The following HIBCH variants were observed in gnomAD, a reference collection of about 807,000 sequenced individuals.
HIBCH encodes the protein 3-hydroxyisobutyryl-CoA hydrolase, also known as 3-hydroxyisobutyryl-CoA hydrolase, mitochondrial.
Under a neutral mutation model 58.2 loss-of-function variants are expected in HIBCH, and 50 were observed. That is an observed-to-expected ratio of 0.86 (90% CI 0.68 to 1.09). The LOEUF (loss-of-function observed/expected upper bound fraction) is 1.09. HIBCH is among the 50% of genes least tolerant of loss of function. The pLI is 0.00. For synonymous variants in HIBCH, 151 were observed against 146.9 expected (o/e 1.03, Z -0.20); for missense variants, 450 against 449.7 (o/e 1.00, Z -0.01).
chr2:190,286,908 G>A (rs889890000), intron 6 of HIBCH, among the ~76,000 whole-genome samples: 1 of 150,766 alleles, frequency 6.6e-6, no homozygotes, highest in Non-Finnish European at 1.5e-5. Flanking sequence ...TGAAGTTTCT[G>A]AAAAGAATCA....
At chr2:190,296,695 C>T (rs566956898) in intron 3 of HIBCH, 118 bp downstream of exon 3, 5 of 929,298 alleles carry the variant, frequency 5.4e-6, no homozygotes, top group Admixed American at 3.9e-5. Flanking sequence ...ATTGATGGGG[C>T]TTACTTAGAT....
At chr2:190,222,391 AT>A (rs1380323548) in intron 11 of HIBCH, among the ~76,000 whole-genome samples, 1 of 152,132 alleles carries the variant, frequency 6.6e-6, no homozygotes, top group African/African-American at 2.4e-5. Flanking sequence ...AGGTTCAAGA[AT>A]GTCAAAGGCT....
In HIBCH at chr2:190,215,024, A is replaced by G. The variant is rs1972288; in HGVS notation, c.892-1949T>C. On this transcript the variant is annotated intron_variant, in intron 11 of 13. Coordinates refer to ENST00000359678, the MANE Select transcript of HIBCH (RefSeq NM_014362.4). The surrounding 1 kb of genome is among the most constrained non-coding windows in gnomAD (Gnocchi z 4.4). Reference sequence around the variant, plus strand: ...AGGGAGGAGTTGGGTTTGTGAATGCACCTCTAACAAGTACTGAGGTTAGGA... The same window carrying G: ...AGGGAGGAGTTGGGTTTGTGAATGCGCCTCTAACAAGTACTGAGGTTAGGA... 0.31 allele frequency: 46,376 copies of G among 151,642 alleles called. 8,024 individuals carry two copies. The highest frequency in any genetic ancestry group is 0.47 in the East Asian group (2,439 of 5,152). The allele number at this position is 151,642 out of a possible 1,614,324, so 9.4% of individuals were successfully genotyped here. A position where few individuals can be genotyped will look rare whatever the true frequency, so the allele number is the denominator to read the frequency against.
intron 6 of HIBCH, among the ~76,000 whole-genome samples, chr2:190,275,212 G>A (rs1687514984): frequency 6.6e-6 from 1 of 152,206 alleles, no homozygotes; most frequent in South Asian, 2.1e-4. Flanking sequence ...CTAGGAGGGA[G>A]AGAGAGGAGG....
chr2:190,217,479 T>C lies in HIBCH; in HGVS notation c.892-4404A>G, dbSNP rs1685590426. ...GCCTGGGCGACAGAACGAGATTCTG[T>C]CTTAAAACAAAAAAACAGACTACTG... On this transcript the variant is annotated intron_variant, in intron 11 of 13. Transcript: ENST00000359678. The surrounding 1 kb of genome is among the most constrained non-coding windows in gnomAD (Gnocchi z 4.6). 6.6e-6 allele frequency among the ~76,000 whole-genome samples: 1 copy of C among 152,084 alleles called. No individual in the cohort carries two copies. The highest frequency in any genetic ancestry group is 1.5e-5 in the Non-Finnish European group (1 of 68,016).
intron 6 of HIBCH, among the ~76,000 whole-genome samples, chr2:190,266,620 G>A (rs945870523): frequency 1.3e-5 from 2 of 152,032 alleles, no homozygotes; most frequent in Non-Finnish European, 2.9e-5. Flanking sequence ...TTTTAGTAGA[G>A]ATGGGATTTC....
At chr2:190,268,239 T>C (rs114508308) in intron 6 of HIBCH, among the ~76,000 whole-genome samples, 2,861 of 152,310 alleles carry the variant, frequency 0.019, 95 homozygotes, top group African/African-American at 0.065. Context: ...ACCACTTTCC[T>C]TTAGTTAGTG....
intron 11 of HIBCH, among the ~76,000 whole-genome samples, chr2:190,220,981 C>A (rs1685702732): frequency 6.6e-6 from 1 of 152,118 alleles, no homozygotes; most frequent in African/African-American, 2.4e-5. Flanking sequence ...TTCTATGTAA[C>A]CTGGATTTCT....
chr2:190,249,911 A>G (rs1487340251), intron 8 of HIBCH, among the ~76,000 whole-genome samples, 185 bp from the exon 9 acceptor site: 1 of 152,250 alleles, frequency 6.6e-6, no homozygotes. Flanking sequence ...CAGCAAATGT[A>G]GCCTTCAAAG....
At chr2:190,275,774 T>G (rs1160355054) in intron 6 of HIBCH, among the ~76,000 whole-genome samples, 1 of 152,180 alleles carries the variant, frequency 6.6e-6, no homozygotes, top group East Asian at 1.9e-4. Context: ...AGGAAAAAAT[T>G]TATCTTGTTC....
At chr2:190,294,740 G>A in intron 3 of HIBCH, 110 bp from the exon 4 acceptor site, 1 of 748,598 alleles carries the variant, frequency 1.3e-6, no homozygotes, top group Non-Finnish European at 2.4e-6. Context: ...ATATGTGTTT[G>A]TGACAGTACA....
chr2:190,198,438 C>A (rs188769843), intron 1 of HIBCH, among the ~76,000 whole-genome samples: 86 of 152,084 alleles, frequency 5.7e-4, no homozygotes, highest in African/African-American at 2.0e-3. Flanking sequence ...CCCGGGAGTT[C>A]AAGACCAGCC....
At chr2:190,260,186 G>A (rs187461030) in intron 7 of HIBCH, among the ~76,000 whole-genome samples, 2 of 152,128 alleles carry the variant, frequency 1.3e-5, no homozygotes, top group African/African-American at 2.4e-5. Context: ...AAGTAGAATC[G>A]AATTCAAATC....
rs534611508 is a variant in HIBCH, at chr2:190,319,648, C to G, written c.35+68G>C. ...CTTCGAGGCCAGCAGTCTCCACCCC[C>G]GGCCCTTTTCCCACTGTGGCGAGTG... On this transcript the variant is annotated intron_variant, in intron 1 of 13. Transcript: ENST00000359678. 321 of 1,344,238 alleles carry G rather than the reference C, an allele frequency of 2.4e-4. 2 individuals are homozygous for G. The South Asian group carries it at 2.6e-3, about 11-fold the overall frequency. The allele number at this position is 1,344,238 out of a possible 1,614,324, so 83.3% of individuals were successfully genotyped here.
chr2:190,261,066 C>T (rs1687074425), intron 7 of HIBCH, 90 bp downstream of exon 7: 1 of 914,334 alleles, frequency 1.1e-6, no homozygotes, highest in Non-Finnish European at 1.8e-6. Context: ...ACACAAGAGT[C>T]CATCAATTCC....
chr2:190,261,704 A>G (rs2105952602), intron 6 of HIBCH, among the ~76,000 whole-genome samples: 1 of 152,210 alleles, frequency 6.6e-6, no homozygotes, highest in South Asian at 2.1e-4. Context: ...CTTTGACTTT[A>G]TCTCCCATCA....
In HIBCH at chr2:190,209,852, T is replaced by G. The variant is rs1266100540; in HGVS notation, c.1012-939A>C. On this transcript the variant is annotated intron_variant, in intron 12 of 13. Transcript: ENST00000359678. The surrounding 1 kb of genome is among the most constrained non-coding windows in gnomAD (Gnocchi z 5.6). Reference sequence around the variant, plus strand: ...TCCTGATAGCTACATATTAACTATGTGACCTCGGACTAGTAATTTCTCCAA... The same window carrying G: ...TCCTGATAGCTACATATTAACTATGGGACCTCGGACTAGTAATTTCTCCAA... Among the ~76,000 whole-genome samples, 1 of 152,218 alleles carries G rather than the reference T, an allele frequency of 6.6e-6. No homozygotes were observed. The highest frequency in any genetic ancestry group is 1.5e-5 in the Non-Finnish European group (1 of 68,044).
In HIBCH at chr2:190,206,545, G is replaced by C. The variant is rs138629570; in HGVS notation, c.1046-1313C>G. On this transcript the variant is annotated intron_variant, in intron 13 of 13. Coordinates refer to ENST00000359678, the MANE Select transcript of HIBCH (RefSeq NM_014362.4). This position sits in a 1 kb window ranked among gnomAD's most constrained non-coding sequence, Gnocchi z 5.1. Reference sequence around the variant, plus strand: ...GTGCCATGTAGGCAGCTCAGGTTTTGCAAGTCTCCTGAGATAGCCACTACA... The same window carrying C: ...GTGCCATGTAGGCAGCTCAGGTTTTCCAAGTCTCCTGAGATAGCCACTACA... 4.1e-3 allele frequency among the ~76,000 whole-genome samples: 625 copies of C among 152,268 alleles called. 1 individual carries two copies. The highest frequency in any genetic ancestry group is 0.014 in the African/African-American group (578 of 41,536).
At chr2:190,245,460 G>A (rs1244689262) in intron 10 of HIBCH, 1 of 155,850 alleles carries the variant, frequency 6.4e-6, no homozygotes, top group Non-Finnish European at 1.4e-5. Context: ...AAGATATTTT[G>A]CACTAATATA....
Sources: gnomAD v4.1 joint callset for allele counts (sites outside exome capture counted in the v4.1 genomes callset) on GRCh38, gnomAD v4.1.1 for gene constraint, Gnocchi (gnomAD v3.1) non-coding constraint, MANE v1.5 for transcripts, NCBI Gene and HGNC (gene_info 2026-07-23, HGNC 2026-07-21) for gene names.